ZNF649: variants seen among roughly 807,000 people sequenced by gnomAD.
ZNF649 encodes zinc finger protein 649.
ZNF649 carries 7 observed loss-of-function variants against 14.1 expected under a neutral mutation model. The ratio of observed to expected loss-of-function variants is 0.49; its 90% CI spans 0.28 to 0.93. The LOEUF is 0.93. Ranked by LOEUF, ZNF649 falls within the 40% of genes least tolerant of loss-of-function variation. ZNF649 has a pLI of 0.10. For synonymous variants in ZNF649, 227 were observed against 212.3 expected (o/e 1.07, Z -0.60); for missense variants, 544 against 608.1 (o/e 0.89, Z 1.11).
At chr19:51,899,424 G>C (rs1484254512) in intron 2 of ZNF649, among the ~76,000 whole-genome samples, 4 of 152,174 alleles carry the variant, frequency 2.6e-5, no homozygotes, top group Non-Finnish European at 5.9e-5. Flanking sequence ...CCAGTTTAGT[G>C]ACCTGTTCAT....
intron 1 of ZNF649, among the ~76,000 whole-genome samples, chr19:51,902,803 G>A (rs759937662): frequency 2.6e-5 from 4 of 152,154 alleles, no homozygotes; most frequent in Admixed American, 2.0e-4. Context: ...GGAATGCTAC[G>A]TTTTCTAGGA....
Position 51,890,704 on chromosome 19 carries a change from G to C in ZNF649, c.1432C>G (p.His478Asp), listed in dbSNP as rs773175729. ...TASHSLSPSE[H>D]VQGKSPVNMV... ...TTAACAGGGCTTTTCCCCTGCACAT[G>C]TTCACTAGGACTTAAGCTGTGACTT... Residue 478 changes from histidine to aspartate, a missense_variant, in exon 5 of 5, where the codon CAT becomes GAT. Transcript: ENST00000354957. 3.7e-6 allele frequency: 6 copies of C among 1,614,216 alleles called. No individual in the cohort carries two copies. The highest frequency in any genetic ancestry group is 5.1e-6 in the Non-Finnish European group (6 of 1,180,042).
At position 51,890,565 on chromosome 19, in the gene ZNF649, T is replaced by C. The variant is rs2085012418; in HGVS notation, c.*53A>G. ...CAGGGAGCCAAAGGCCCATGGGACA[T>C]GACAAACTCAGCATTCCGCTGGAGG... On this transcript the variant is annotated 3_prime_UTR_variant, in exon 5 of 5. Coordinates refer to ENST00000354957, the MANE Select transcript of ZNF649 (RefSeq NM_023074.4). 1 of 1,240,632 alleles carries C rather than the reference T, an allele frequency of 8.1e-7. No homozygotes were observed. The highest frequency in any genetic ancestry group is 1.2e-6 in the Non-Finnish European group (1 of 862,530). 76.9% of individuals were successfully genotyped at this position (1,240,632 alleles called of 1,614,324 possible).
chr19:51,900,987 G>C (rs892811581), intron 1 of ZNF649, among the ~76,000 whole-genome samples: 1 of 152,172 alleles, frequency 6.6e-6, no homozygotes, highest in Non-Finnish European at 1.5e-5. Flanking sequence ...AGCAAAACCA[G>C]CAAAGGTAAA....
In ZNF649 at chr19:51,891,204, G is replaced by A. The variant is rs2122755538; in HGVS notation, c.932C>T (p.Thr311Ile). 1 of 1,614,234 alleles carries A rather than the reference G, an allele frequency of 6.2e-7. No homozygotes were observed. Among genetic ancestry groups the A allele is most frequent in the Non-Finnish European group, 8.5e-7 (1 of 1,180,040 alleles). ...TGTATGAGGCTTCTCTCCTGTATGAGTTCGCTGATGTACAACGAGTAGTGA... is the reference window on the plus strand; with the variant it reads ...TGTATGAGGCTTCTCTCCTGTATGAATTCGCTGATGTACAACGAGTAGTGA... ...RKSLLVVHQR[T>I]HTGEKPHTCS... is the part of the protein sequence containing the mutation. The change falls in exon 5 of 5, where the codon ACT (threonine) becomes ATT (isoleucine). Residue 311 changes from threonine (T) to isoleucine (I), a missense_variant. Physicochemically the swap from Thr to Ile is moderately conservative, Grantham distance 89 (BLOSUM62 -1). Coordinates refer to ENST00000354957, the MANE Select transcript of ZNF649 (RefSeq NM_023074.4). This position sits in a 1 kb window ranked among gnomAD's most constrained non-coding sequence, Gnocchi z 4.2.
intron 2 of ZNF649, among the ~76,000 whole-genome samples, chr19:51,898,748 TA>T (rs1156665614): frequency 3.5e-3 from 485 of 137,322 alleles, no homozygotes; most frequent in Non-Finnish European, 3.4e-3. Flanking sequence ...CTGTCTCTAC[TA>T]AAAAAAAAAA....
At chr19:51,901,160 G>A (rs2085092448) in intron 1 of ZNF649, among the ~76,000 whole-genome samples, 1 of 152,138 alleles carries the variant, frequency 6.6e-6, no homozygotes, top group African/African-American at 2.4e-5. Context: ...GTGTGCCATG[G>A]TTTTTATTGG....
At position 51,891,142 on chromosome 19, in the gene ZNF649, T is replaced by C. The variant is rs2085019069; in HGVS notation, c.994A>G (p.Asn332Asp). ...TGAGTTCGTTGATGTATGTTGAGATTGCCCTTCTGAATGAAGCCTTTTCCA... is the reference window on the plus strand; with the variant it reads ...TGAGTTCGTTGATGTATGTTGAGATCGCCCTTCTGAATGAAGCCTTTTCCA... Reference protein sequence around the residue: ...ECGKGFIQKGNLNIHQRTHTG... With the variant: ...ECGKGFIQKGDLNIHQRTHTG... Residue 332 changes from asparagine to aspartate, a missense_variant, in exon 5 of 5, where the codon AAT becomes GAT. Transcript: ENST00000354957. This position sits in a 1 kb window ranked among gnomAD's most constrained non-coding sequence, Gnocchi z 4.2. The C allele has an allele frequency of 6.2e-7, 1 of 1,614,220 alleles. No homozygotes were observed. Among genetic ancestry groups the C allele is most frequent in the Non-Finnish European group, 8.5e-7 (1 of 1,180,032 alleles).
At chr19:51,897,501 G>A (rs916677245) in intron 2 of ZNF649, among the ~76,000 whole-genome samples, 3 of 152,022 alleles carry the variant, frequency 2.0e-5, no homozygotes, top group Admixed American at 1.3e-4. Flanking sequence ...CATATAGTAC[G>A]TGCAGAATAA....
At chr19:51,892,181 CT>C (rs1254264476) in intron 4 of ZNF649, among the ~76,000 whole-genome samples, 1 of 150,992 alleles carries the variant, frequency 6.6e-6, no homozygotes, top group Non-Finnish European at 1.5e-5. Context: ...CAAGACCATC[CT>C]GGCCAACATG....
At position 51,900,194 on chromosome 19, in the gene ZNF649, C is replaced by CT; in HGVS notation, c.-88dup. On this transcript the variant is annotated 5_prime_UTR_variant, in exon 2 of 5. An upstream open reading frame in the 5' UTR loses its in-frame stop. Coordinates refer to ENST00000354957, the MANE Select transcript of ZNF649 (RefSeq NM_023074.4). ...CCTCCCTAAATTTTGGCTAAGAAAT[C>CT]TGAGTCTCCATTTAAGAGTGTTCCC... 2 of 1,185,336 alleles carry CT rather than the reference C, an allele frequency of 1.7e-6. No homozygotes were observed. Among genetic ancestry groups the CT allele is most frequent in the Admixed American group, 2.6e-5 (1 of 38,660 alleles). The allele number at this position is 1,185,336 out of a possible 1,614,324, so 73.4% of individuals were successfully genotyped here. A position where few individuals can be genotyped will look rare whatever the true frequency, so the allele number is the denominator to read the frequency against.
At chr19:51,903,476 A>G (rs1395010951) in intron 1 of ZNF649, among the ~76,000 whole-genome samples, 1 of 152,174 alleles carries the variant, frequency 6.6e-6, no homozygotes, top group Non-Finnish European at 1.5e-5. Context: ...CTTTTGGGAG[A>G]CATGTGCCAG....
chr19:51,904,643 C>T (rs1030335458), intron 1 of ZNF649, among the ~76,000 whole-genome samples: 1 of 151,072 alleles, frequency 6.6e-6, no homozygotes, highest in Non-Finnish European at 1.5e-5. Flanking sequence ...ATAAAGCCGG[C>T]GTGCTGGGCA....
At chr19:51,903,439 G>A (rs1323764386) in intron 1 of ZNF649, among the ~76,000 whole-genome samples, 3 of 152,158 alleles carry the variant, frequency 2.0e-5, no homozygotes, top group African/African-American at 4.8e-5. Context: ...ACACAAAAAG[G>A]CACTGTTTAC....
At chr19:51,899,765 C>A (rs2085084922) in intron 2 of ZNF649, 1 of 276,562 alleles carries the variant, frequency 3.6e-6, no homozygotes, top group East Asian at 6.3e-5. Context: ...GACCCGCTTT[C>A]TCCTCAGAAT....
At chr19:51,895,312 C>T (rs1456317418) in intron 4 of ZNF649, among the ~76,000 whole-genome samples, 4 of 151,984 alleles carry the variant, frequency 2.6e-5, no homozygotes, top group East Asian at 3.8e-4. Context: ...AATCACATAC[C>T]GATGCCTCAG....
chr19:51,894,988 T>C (rs2085050938), intron 4 of ZNF649, among the ~76,000 whole-genome samples: 1 of 152,196 alleles, frequency 6.6e-6, no homozygotes, highest in Admixed American at 6.5e-5. Context: ...GATGGAAAAG[T>C]ATGACCTCTC....
At chr19:51,903,676 G>A (rs998344023) in intron 1 of ZNF649, among the ~76,000 whole-genome samples, 5 of 152,038 alleles carry the variant, frequency 3.3e-5, no homozygotes, top group Non-Finnish European at 5.9e-5. Context: ...AAAATTAGCC[G>A]GGCGTGGTGG....
chr19:51,892,237 G>T (rs577343882), intron 4 of ZNF649, among the ~76,000 whole-genome samples: 1 of 152,154 alleles, frequency 6.6e-6, no homozygotes, highest in East Asian at 1.9e-4. Flanking sequence ...TTGGCTGGGC[G>T]TGGTGGCACG....
Sources: allele counts gnomAD v4.1 joint callset (sites outside exome capture counted in the v4.1 genomes callset), GRCh38; gene constraint gnomAD v4.1.1; non-coding constraint Gnocchi (gnomAD v3.1); transcripts MANE v1.5; gene names NCBI Gene and HGNC (gene_info 2026-07-23, HGNC 2026-07-21).